The following AP1B1 variants were observed in gnomAD, a reference collection of about 807,000 sequenced individuals.
AP1B1 encodes adaptor related protein complex 1 subunit beta 1.
A neutral mutation model predicts 104.3 loss-of-function variants in AP1B1; 36 were observed. That is an observed-to-expected ratio of 0.35 (90% CI 0.26 to 0.46). AP1B1 has a LOEUF of 0.46. Ranked by LOEUF, AP1B1 falls within the 20% of genes least tolerant of loss-of-function variation. The pLI, the probability that AP1B1 is intolerant of heterozygous loss-of-function variation, is 1.00. For synonymous variants in AP1B1, 504 were observed against 517.5 expected (o/e 0.97, Z 0.35); for missense variants, 901 against 1,247.9 (o/e 0.72, Z 4.19).
At chr22:29,383,822 T>A (rs1287568743) in intron 1 of AP1B1, among the ~76,000 whole-genome samples, 1 of 151,966 alleles carries the variant, frequency 6.6e-6, no homozygotes, top group Non-Finnish European at 1.5e-5. Context: ...TCCCAGTAAC[T>A]GATGAATTCT....
At chr22:29,347,482 G>A (rs773816374) in intron 11 of AP1B1, among the ~76,000 whole-genome samples, 61 of 152,210 alleles carry the variant, frequency 4.0e-4, no homozygotes, top group Admixed American at 2.2e-3. Flanking sequence ...GGAAGGGGCA[G>A]AGGAGGGGTA....
intron 1 of AP1B1, among the ~76,000 whole-genome samples, chr22:29,379,715 A>C (rs551413825): frequency 2.0e-5 from 3 of 152,314 alleles, no homozygotes; most frequent in African/African-American, 7.2e-5. Flanking sequence ...TTAGATGAAG[A>C]GGGGCTTGGC....
chr22:29,349,082 A>G (rs1368533599), intron 11 of AP1B1, 136 bp downstream of exon 11: 4 of 1,009,776 alleles, frequency 4.0e-6, no homozygotes, highest in Non-Finnish European at 2.9e-6. Flanking sequence ...GGCGGTGTCC[A>G]TTACGCGCAC....
At chr22:29,360,828 A>C (rs952744681) in intron 3 of AP1B1, among the ~76,000 whole-genome samples, 16 of 152,220 alleles carry the variant, frequency 1.1e-4, no homozygotes. Context: ...TCAATTTTCT[A>C]TCTCTGAAAT....
chr22:29,341,827 G>A, intron 12 of AP1B1, 67 bp from the exon 13 acceptor site: 4 of 1,528,016 alleles, frequency 2.6e-6, no homozygotes, highest in Non-Finnish European at 3.5e-6. Context: ...AGACCTTCCT[G>A]CAGCCATGAG....
At chr22:29,376,277 T>C (rs2062339772) in intron 1 of AP1B1, among the ~76,000 whole-genome samples, 1 of 152,176 alleles carries the variant, frequency 6.6e-6, no homozygotes, top group Non-Finnish European at 1.5e-5. Flanking sequence ...CAATGATTCA[T>C]GTCAGAGCAG....
rs867798770 is a variant in AP1B1, at chr22:29,351,714, GT to G, written c.1049del (p.Asn350ThrfsTer9). 6.2e-7 allele frequency: 1 copy of G among 1,613,844 alleles called. No individual in the cohort carries two copies. Among genetic ancestry groups the G allele is most frequent in the African/African-American group, 1.3e-5 (1 of 74,936 alleles). On this transcript the variant is annotated frameshift_variant, in exon 8 of 23. Transcript: ENST00000357586. LOFTEE classifies it high-confidence loss of function. ...DIMIRLASQA[N>X]IAQVLAELKE... Reference sequence around the variant, plus strand: ...ATCACACGCAGCTGACCTGGGCGATGTTGGCCTGAGAGGCCAGGCGGATCAT... The same window carrying G: ...ATCACACGCAGCTGACCTGGGCGATGTGGCCTGAGAGGCCAGGCGGATCAT...
chr22:29,364,835 A>G (rs558108304), intron 2 of AP1B1, among the ~76,000 whole-genome samples: 1 of 151,386 alleles, frequency 6.6e-6, no homozygotes, highest in East Asian at 1.9e-4. Flanking sequence ...CAGCCTCCCA[A>G]ATAGCTGGAA....
intron 1 of AP1B1, among the ~76,000 whole-genome samples, chr22:29,378,484 T>C (rs1400113227): frequency 3.5e-5 from 5 of 143,070 alleles, no homozygotes; most frequent in African/African-American, 8.0e-5. Context: ...GCCTGGGAGG[T>C]TGACGCTGCA....
At chr22:29,371,682 C>T (rs1489925560) in intron 1 of AP1B1, among the ~76,000 whole-genome samples, 2 of 151,874 alleles carry the variant, frequency 1.3e-5, no homozygotes, top group Non-Finnish European at 2.9e-5. Context: ...GAGCAGAGAT[C>T]GCGCCACTGC....
At chr22:29,369,534 C>T (rs1324053337) in intron 1 of AP1B1, among the ~76,000 whole-genome samples, 3 of 152,228 alleles carry the variant, frequency 2.0e-5, no homozygotes, top group African/African-American at 7.2e-5. Context: ...GAGCCCACTG[C>T]GTCTGATGTT....
At chr22:29,383,145 T>C (rs1334279933) in intron 1 of AP1B1, among the ~76,000 whole-genome samples, 1 of 152,130 alleles carries the variant, frequency 6.6e-6, no homozygotes, top group African/African-American at 2.4e-5. Flanking sequence ...CAGGCCTCGA[T>C]AAATACTGAA....
chr22:29,328,736 C>T lies in AP1B1; in HGVS notation c.*85G>A. The T allele has an allele frequency of 6.6e-7, 1 of 1,508,894 alleles. No homozygotes were observed. The highest frequency in any genetic ancestry group is 8.9e-7 in the Non-Finnish European group (1 of 1,120,024). The allele number at this position is 1,508,894 out of a possible 1,614,324, so 93.5% of individuals were successfully genotyped here. A position where few individuals can be genotyped will look rare whatever the true frequency, so the allele number is the denominator to read the frequency against. On this transcript the variant is annotated 3_prime_UTR_variant, in exon 23 of 23. Transcript: ENST00000357586. The surrounding 1 kb of genome is among the most constrained non-coding windows in gnomAD (Gnocchi z 4.1). ...AGTGGCCTGGAGCCCCGCCTGGTCC[C>T]TCCTGCGAGGAGGAAGATGTGCTGC...
intron 1 of AP1B1, among the ~76,000 whole-genome samples, chr22:29,378,860 CAA>C (rs695434): frequency 0.32 from 35,905 of 110,684 alleles, 4,505 homozygotes; most frequent in East Asian, 0.6. Flanking sequence ...CTCCGTCCCA[CAA>C]AAAAAAAAAA....
At chr22:29,382,936 C>G (rs1169215969) in intron 1 of AP1B1, among the ~76,000 whole-genome samples, 1 of 152,160 alleles carries the variant, frequency 6.6e-6, no homozygotes, top group East Asian at 1.9e-4. Context: ...GACATCTGAC[C>G]TATATTTTAA....
chr22:29,357,619 G>T (rs1310824510), intron 5 of AP1B1, among the ~76,000 whole-genome samples: 1 of 151,482 alleles, frequency 6.6e-6, no homozygotes, highest in Non-Finnish European at 1.5e-5. Context: ...ACCCGCCTCA[G>T]CCTCCCAAAT....
intron 6 of AP1B1, among the ~76,000 whole-genome samples, chr22:29,355,146 A>C (rs2061936075): frequency 6.6e-6 from 1 of 151,982 alleles, no homozygotes. Flanking sequence ...CTGAGACATG[A>C]GAATCGCTTG....
chr22:29,332,105 CAGAA>C, intron 17 of AP1B1, 189 bp from the exon 18 acceptor site: 2 of 578,140 alleles, frequency 3.5e-6, no homozygotes, highest in Admixed American at 3.3e-5. Flanking sequence ...GCCATCTGGA[CAGAA>C]AGAAAGAGCC....
intron 16 of AP1B1, 59 bp from the exon 17 acceptor site, chr22:29,334,469 A>T: frequency 3.3e-6 from 5 of 1,532,592 alleles, no homozygotes; most frequent in Non-Finnish European, 4.3e-6. Flanking sequence ...GCCCAAACTC[A>T]ACAGCCCACC....
Sources: gnomAD v4.1 joint callset for allele counts (sites outside exome capture counted in the v4.1 genomes callset) on GRCh38, gnomAD v4.1.1 for gene constraint, Gnocchi (gnomAD v3.1) non-coding constraint, MANE v1.5 for transcripts, NCBI Gene and HGNC (gene_info 2026-07-23, HGNC 2026-07-21) for gene names.